Variants in BRIP1 observed in about 807,000 individuals in gnomAD.
BRIP1 encodes the protein Fanconi anemia group J protein.
BRIP1 carries 88 observed loss-of-function variants against 119.7 expected under a neutral mutation model. The ratio of observed to expected loss-of-function variants is 0.74; its 90% confidence interval spans 0.62 to 0.88. The LOEUF is 0.88. Among genes scored for constraint, BRIP1 ranks in the 40% least tolerant of loss-of-function variants. The pLI is 0.00. For synonymous variants in BRIP1, 443 were observed against 496.5 expected (o/e 0.89, Z 1.43); for missense variants, 1,259 against 1,455.4 (o/e 0.87, Z 2.20).
chr17:61,837,551 T>A (rs2078593398), intron 6 of BRIP1, among the ~76,000 whole-genome samples: 2 of 152,030 alleles, frequency 1.3e-5, no homozygotes, highest in Admixed American at 1.3e-4. Flanking sequence ...AATGAATAAA[T>A]AAAAAGCAGG....
rs541471645 is a variant in BRIP1, at chr17:61,753,928, G to T, written c.2098-9337C>A. On this transcript the variant is annotated intron_variant, in intron 14 of 19. Coordinates refer to ENST00000259008, the MANE Select transcript of BRIP1 (RefSeq NM_032043.3). This position sits in a 1 kb window ranked among gnomAD's most constrained non-coding sequence, Gnocchi z 4.6. ...CACCCAGCCCCTCATCTCTACTACT[G>T]CTCATCCAATTCATCAGCAAATCCT... 2.0e-5 allele frequency among the ~76,000 whole-genome samples: 3 copies of T among 152,126 alleles called. No individual in the cohort carries two copies. The South Asian group carries it at 6.2e-4, about 32-fold the overall frequency.
At chr17:61,838,668 C>A (rs896107960) in intron 6 of BRIP1, among the ~76,000 whole-genome samples, 3 of 151,498 alleles carry the variant, frequency 2.0e-5, no homozygotes, top group African/African-American at 4.8e-5. Flanking sequence ...AGTTACTTAC[C>A]CAAGTCTATC....
Position 61,700,545 on chromosome 17 carries a change from T to C in BRIP1, c.2493-7033A>G, listed in dbSNP as rs2061598893. ...AACTGCTTCCTGGTCTGGAGGATGTTTTGTATATGATGAGTTATTTCTCTC... is the reference window on the plus strand; with the variant it reads ...AACTGCTTCCTGGTCTGGAGGATGTCTTGTATATGATGAGTTATTTCTCTC... On this transcript the variant is annotated intron_variant, in intron 17 of 19. Transcript: ENST00000259008. The surrounding 1 kb of genome is among the most constrained non-coding windows in gnomAD (Gnocchi z 4.1). Among the ~76,000 whole-genome samples, 1 of 152,184 alleles carries C rather than the reference T, an allele frequency of 6.6e-6. No homozygotes were observed. The highest frequency in any genetic ancestry group is 6.5e-5 in the Admixed American group (1 of 15,278).
At chr17:61,837,716 T>G (rs1274473827) in intron 6 of BRIP1, among the ~76,000 whole-genome samples, 1 of 152,146 alleles carries the variant, frequency 6.6e-6, no homozygotes, top group Non-Finnish European at 1.5e-5. Flanking sequence ...AACAATGTTT[T>G]TCTTAACTAT....
rs1222592880 is a variant in BRIP1, at chr17:61,742,796, G to A, written c.2379+217C>T. Among the ~76,000 whole-genome samples, 6 of 152,110 alleles carry A rather than the reference G, an allele frequency of 3.9e-5. No individual in the cohort carries two copies. In the South Asian group the frequency reaches 6.2e-4, roughly 16 times the overall value. On this transcript the variant is annotated intron_variant, in intron 16 of 19. Coordinates refer to ENST00000259008, the MANE Select transcript of BRIP1 (RefSeq NM_032043.3). The surrounding 1 kb of genome is among the most constrained non-coding windows in gnomAD (Gnocchi z 4.7). ...TAATAATGAAAAGGTTTGAAATATCGTGAGAATTAACCCAAATGTGAAACA... is the reference window on the plus strand; with the variant it reads ...TAATAATGAAAAGGTTTGAAATATCATGAGAATTAACCCAAATGTGAAACA...
At chr17:61,741,386 A>G (rs2076984689) in intron 16 of BRIP1, among the ~76,000 whole-genome samples, 1 of 152,158 alleles carries the variant, frequency 6.6e-6, no homozygotes, top group South Asian at 2.1e-4. Flanking sequence ...ACCTCCTCCC[A>G]TGAATCATGA....
chr17:61,686,243 T>C lies in BRIP1; in HGVS notation c.2576-78A>G. 7.6e-7 allele frequency: 1 copy of C among 1,318,342 alleles called. No individual in the cohort carries two copies. The highest frequency in any genetic ancestry group is 1.1e-6 in the Non-Finnish European group (1 of 916,262). The allele number at this position is 1,318,342 out of a possible 1,614,324, so 81.7% of individuals were successfully genotyped here. A position where few individuals can be genotyped will look rare whatever the true frequency, so the allele number is the denominator to read the frequency against. ...TTACATGCTAAGGTAATACACTTGCTTTTTCTAGTGAAGTAACCTAATTTG... is the reference window on the plus strand; with the variant it reads ...TTACATGCTAAGGTAATACACTTGCCTTTTCTAGTGAAGTAACCTAATTTG... On this transcript the variant is annotated intron_variant, in intron 18 of 19. Coordinates refer to ENST00000259008, the MANE Select transcript of BRIP1 (RefSeq NM_032043.3). The surrounding 1 kb of genome is among the most constrained non-coding windows in gnomAD (Gnocchi z 5.4).
Position 61,709,705 on chromosome 17 carries a change from G to A in BRIP1, c.2492+6246C>T, listed in dbSNP as rs2061743397. Among the ~76,000 whole-genome samples the A allele has an allele frequency of 6.6e-6, 1 of 152,160 alleles. No homozygotes were observed. Among genetic ancestry groups the A allele is most frequent in the African/African-American group, 2.4e-5 (1 of 41,438 alleles). Reference sequence around the variant, plus strand: ...TGTTTTCAAACTGCCTTGCTTAAATGAATTATGCCGGCTTGAGACAAAGAT... The same window carrying A: ...TGTTTTCAAACTGCCTTGCTTAAATAAATTATGCCGGCTTGAGACAAAGAT... On this transcript the variant is annotated intron_variant, in intron 17 of 19. Transcript: ENST00000259008. This position sits in a 1 kb window ranked among gnomAD's most constrained non-coding sequence, Gnocchi z 5.0.
rs2061896243 is a variant in BRIP1 at position 61,717,387 on chromosome 17, T to C, written c.2380-1324A>G. 6.6e-6 allele frequency among the ~76,000 whole-genome samples: 1 copy of C among 152,144 alleles called. No homozygotes were observed. Among genetic ancestry groups the C allele is most frequent in the African/African-American group, 2.4e-5 (1 of 41,450 alleles). Reference sequence around the variant, plus strand: ...CATCTGGTATCATTTTCCTTCTACCTGAAGAACTTTCTTTAATATTAGTAG... The same window carrying C: ...CATCTGGTATCATTTTCCTTCTACCCGAAGAACTTTCTTTAATATTAGTAG... On this transcript the variant is annotated intron_variant, in intron 16 of 19. Coordinates refer to ENST00000259008, the MANE Select transcript of BRIP1 (RefSeq NM_032043.3). This position sits in a 1 kb window ranked among gnomAD's most constrained non-coding sequence, Gnocchi z 4.1.
chr17:61,826,741 A>C lies in BRIP1; in HGVS notation c.628-17984T>G, dbSNP rs2078413912. ...GCTATTATTAAAAAGTAAAAAAAAA[A>C]AAAAAAAAAAAAAAAACAGATGCCG... On this transcript the variant is annotated intron_variant, in intron 6 of 19. Coordinates refer to ENST00000259008, the MANE Select transcript of BRIP1 (RefSeq NM_032043.3). Among the ~76,000 whole-genome samples the C allele has an allele frequency of 1.5e-4, 23 of 149,774 alleles. No homozygotes were observed. The South Asian group carries it at 4.8e-3, about 31-fold the overall frequency.
Position 61,846,260 on chromosome 17 carries a change from GAA to G in BRIP1, c.627+839_627+840del. ...AGAGAGAGAAAAAGAGAGAGAGAGA[GAA>G]AGAGAGAGAGAGAGAGGTTGGAGCC... is the stretch of plus-strand genomic sequence containing the variant. On this transcript the variant is annotated intron_variant, in intron 6 of 19. Transcript: ENST00000259008. This position sits in a 1 kb window ranked among gnomAD's most constrained non-coding sequence, Gnocchi z 4.3. Among the ~76,000 whole-genome samples the G allele has an allele frequency of 6.7e-6, 1 of 148,998 alleles. No homozygotes were observed. Among genetic ancestry groups the G allele is most frequent in the Non-Finnish European group, 1.5e-5 (1 of 67,704 alleles).
chr17:61,721,267 CTTT>C (rs11326516), intron 16 of BRIP1, among the ~76,000 whole-genome samples: 4 of 114,172 alleles, frequency 3.5e-5, no homozygotes, highest in Non-Finnish European at 3.4e-5. Flanking sequence ...AAAATCTAAG[CTTT>C]TTTTTTTTTT....
rs2078375045 is a variant in BRIP1, at chr17:61,824,472, C to A, written c.628-15715G>T. On this transcript the variant is annotated intron_variant, in intron 6 of 19. Coordinates refer to ENST00000259008, the MANE Select transcript of BRIP1 (RefSeq NM_032043.3). This position sits in a 1 kb window ranked among gnomAD's most constrained non-coding sequence, Gnocchi z 4.3. ...CTGGCATAAAAACAGAAATATAGAC[C>A]AATGGAACAGAATAGAAATTCCAAA... is the stretch of plus-strand genomic sequence containing the variant. 1.3e-5 allele frequency among the ~76,000 whole-genome samples: 2 copies of A among 152,042 alleles called. No individual in the cohort carries two copies. Among genetic ancestry groups the A allele is most frequent in the African/African-American group, 4.8e-5 (2 of 41,382 alleles).
rs953574349 is a variant in BRIP1, at chr17:61,862,202, C to T, written c.-30-633G>A. On this transcript the variant is annotated intron_variant, in intron 1 of 19. Coordinates refer to ENST00000259008, the MANE Select transcript of BRIP1 (RefSeq NM_032043.3). This position sits in a 1 kb window ranked among gnomAD's most constrained non-coding sequence, Gnocchi z 5.3. Reference sequence around the variant, plus strand: ...TTACTTCTCTAGTCTAAGATCCTTACCTGTGATAACCCCTAATTTAATTTA... The same window carrying T: ...TTACTTCTCTAGTCTAAGATCCTTATCTGTGATAACCCCTAATTTAATTTA... 6.5e-6 allele frequency: 1 copy of T among 152,888 alleles called. No homozygotes were observed. Among genetic ancestry groups the T allele is most frequent in the African/African-American group, 2.4e-5 (1 of 41,444 alleles). 9.5% of individuals were successfully genotyped at this position (152,888 alleles called of 1,614,324 possible).
chr17:61,728,137 T>C (rs2076794971), intron 16 of BRIP1, among the ~76,000 whole-genome samples: 1 of 152,172 alleles, frequency 6.6e-6, no homozygotes, highest in East Asian at 1.9e-4. Flanking sequence ...CCACAAAGGT[T>C]TGATTTTTAA....
In BRIP1 at chr17:61,742,189, C is replaced by T. The variant is rs1272662146; in HGVS notation, c.2379+824G>A. ...GCTTCAAACTTTTCTGCAGCCTCCTCACCTCTCTCAGCTTTCACAGAATTG... is the reference window on the plus strand; with the variant it reads ...GCTTCAAACTTTTCTGCAGCCTCCTTACCTCTCTCAGCTTTCACAGAATTG... On this transcript the variant is annotated intron_variant, in intron 16 of 19. Coordinates refer to ENST00000259008, the MANE Select transcript of BRIP1 (RefSeq NM_032043.3). This position sits in a 1 kb window ranked among gnomAD's most constrained non-coding sequence, Gnocchi z 4.7. 4.6e-5 allele frequency among the ~76,000 whole-genome samples: 7 copies of T among 152,234 alleles called. No individual in the cohort carries two copies. Among genetic ancestry groups the T allele is most frequent in the African/African-American group, 1.7e-4 (7 of 41,466 alleles).
At position 61,831,430 on chromosome 17, in the gene BRIP1, C is replaced by A. The variant is rs1424955155; in HGVS notation, c.627+15671G>T. Among the ~76,000 whole-genome samples, 3 of 152,176 alleles carry A rather than the reference C, an allele frequency of 2.0e-5. No homozygotes were observed. The highest frequency in any genetic ancestry group is 4.4e-5 in the Non-Finnish European group (3 of 68,024). On this transcript the variant is annotated intron_variant, in intron 6 of 19. Transcript: ENST00000259008. The surrounding 1 kb of genome is among the most constrained non-coding windows in gnomAD (Gnocchi z 4.1). ...CAGGGTAAATATACAAAAATGAATT[C>A]TACTTCTATAATAGTAATGAATAAC... is the stretch of plus-strand genomic sequence containing the variant.
chr17:61,780,182 GGTATCTTCT>G lies in BRIP1; in HGVS notation c.1935+70_1935+78del. ...CCAAGATTTACTTGCTGGCACTTCA[GGTATCTTCT>G]AACTTGTTTACATAGTTATATTGAA... is the stretch of plus-strand genomic sequence containing the variant. On this transcript the variant is annotated intron_variant, in intron 13 of 19. Coordinates refer to ENST00000259008, the MANE Select transcript of BRIP1 (RefSeq NM_032043.3). This position sits in a 1 kb window ranked among gnomAD's most constrained non-coding sequence, Gnocchi z 5.4. 7.0e-7 allele frequency: 1 copy of G among 1,432,330 alleles called. No homozygotes were observed. Among genetic ancestry groups the G allele is most frequent in the Admixed American group, 1.9e-5 (1 of 54,020 alleles). 88.7% of individuals were successfully genotyped at this position (1,432,330 alleles called of 1,614,324 possible).
At position 61,856,354 on chromosome 17, in the gene BRIP1, A is replaced by G. The variant is rs2078896317; in HGVS notation, c.379+704T>C. Among the ~76,000 whole-genome samples the G allele has an allele frequency of 6.6e-6, 1 of 152,204 alleles. No homozygotes were observed. The highest frequency in any genetic ancestry group is 6.5e-5 in the Admixed American group (1 of 15,286). On this transcript the variant is annotated intron_variant, in intron 4 of 19. Coordinates refer to ENST00000259008, the MANE Select transcript of BRIP1 (RefSeq NM_032043.3). This position sits in a 1 kb window ranked among gnomAD's most constrained non-coding sequence, Gnocchi z 5.1. The stretch of plus-strand genomic sequence containing the variant: ...CCCTGCCAGTGACTGGTAAAGGAAT[A>G]GCATGAGTAAAAGCAGAAAAAAGCG...
Sources: allele counts gnomAD v4.1 joint callset (sites outside exome capture counted in the v4.1 genomes callset), GRCh38; gene constraint gnomAD v4.1.1; non-coding constraint Gnocchi (gnomAD v3.1); transcripts MANE v1.5; gene names NCBI Gene and HGNC (gene_info 2026-07-23, HGNC 2026-07-21).